The following GGA3 variants were observed in gnomAD, a reference collection of about 807,000 sequenced individuals.
GGA3 encodes the protein ADP-ribosylation factor-binding protein GGA3.
Under a neutral mutation model 77.5 loss-of-function variants are expected in GGA3, and 57 were observed. The observed-to-expected ratio is 0.74, with a 90% CI of 0.59 to 0.92. The LOEUF is 0.92. Ranked by LOEUF, GGA3 falls within the 40% of genes least tolerant of loss-of-function variation. GGA3 has a pLI of 0.00. For synonymous variants in GGA3, 416 were observed against 383.7 expected (o/e 1.08, Z -0.98); for missense variants, 970 against 914.9 (o/e 1.06, Z -0.78).
intron 14 of GGA3, 140 bp downstream of exon 14, chr17:75,239,229 TTAAGAC>T (rs2076434074): frequency 1.0e-6 from 1 of 972,072 alleles, no homozygotes; most frequent in Non-Finnish European, 1.5e-6. Context: ...AGTGAGGAGC[TTAAGAC>T]TGAGAATGCA....
At position 75,240,033 on chromosome 17, in the gene GGA3, G is replaced by A; in HGVS notation, c.1339C>T (p.Leu447Phe). 8 of 1,552,198 alleles carry A rather than the reference G, an allele frequency of 5.2e-6. No homozygotes were observed. The highest frequency in any genetic ancestry group is 6.1e-6 in the Non-Finnish European group (7 of 1,148,434). The change falls in exon 13 of 17, where the codon CTC becomes TTC. Residue 447 changes from leucine to phenylalanine, a missense_variant. Transcript: ENST00000537686. ...CTTGAGGAGGGGGCTGAGGGCTGGA[G>A]CAGAGGAGCATCGGAGGCGCCACAG... ...AACGASDAPL[L>F]QPSAPSSSSS...
chr17:75,246,846 T>A (rs1351350866), intron 1 of GGA3, 50 bp from the exon 2 acceptor site: 2 of 1,455,028 alleles, frequency 1.4e-6, no homozygotes, highest in Non-Finnish European at 1.9e-6. Context: ...GCAATGAGGA[T>A]GCAATGGAAG....
In GGA3 at chr17:75,240,975, G is replaced by C; in HGVS notation, c.1029C>G (p.Ala343=). 1 of 1,614,132 alleles carries C rather than the reference G, an allele frequency of 6.2e-7. No individual in the cohort carries two copies. The highest frequency in any genetic ancestry group is 8.5e-7 in the Non-Finnish European group (1 of 1,179,984). The change falls in exon 11 of 17, where the codon GCC becomes GCG. Residue 343 remains alanine, a synonymous_variant. Transcript: ENST00000537686. ...CTGAGGAGGGTGGAGTAGGTGCTGG[G>C]GCCAACACGGAGGACAAACTGTTGG... is the stretch of plus-strand genomic sequence containing the variant. The part of the protein sequence containing the change: ...DTTNSLSSVL[A]PAPTPPSSGI...
upstream of GGA3, chr17:75,262,169 C>T: frequency 1.4e-6 from 1 of 723,668 alleles, no homozygotes; most frequent in Non-Finnish European, 2.2e-6. Flanking sequence ...CCTAAGGAGT[C>T]TGGCTGATCT....
At chr17:75,246,674 C>T (rs370519934) in intron 2 of GGA3, 38 bp downstream of exon 2, 52 of 1,597,276 alleles carry the variant, frequency 3.3e-5, no homozygotes, top group African/African-American at 3.2e-4. Flanking sequence ...CTTCCCAGTC[C>T]GCTCCCTCTC....
chr17:75,237,774 C>G lies in GGA3; in HGVS notation c.*505G>C, dbSNP rs567132528. The G allele has an allele frequency of 7.0e-7, 1 of 1,429,558 alleles. No individual in the cohort carries two copies. Among genetic ancestry groups the G allele is most frequent in the African/African-American group, 1.4e-5 (1 of 69,604 alleles). 88.6% of individuals were successfully genotyped at this position (1,429,558 alleles called of 1,614,324 possible). ...TGGGCCAGGCACCTTCCTGGGCCAC[C>G]TCCCTGGGGATGGCAGCAGGAGCTG... On this transcript the variant is annotated 3_prime_UTR_variant, in exon 17 of 17. Transcript: ENST00000537686.
chr17:75,246,146 T>G (rs1457918206), intron 3 of GGA3, among the ~76,000 whole-genome samples: 1 of 152,258 alleles, frequency 6.6e-6, no homozygotes, highest in East Asian at 1.9e-4. Context: ...TTTCTTCAGC[T>G]GGCCAGCTCT....
chr17:75,241,918 G>A lies in GGA3; in HGVS notation c.748-222C>T. On this transcript the variant is annotated intron_variant, in intron 8 of 16. Transcript: ENST00000537686. The stretch of plus-strand genomic sequence containing the variant: ...GGTAGCAGTCACCAGGATGGGTCAG[G>A]GGAAGTCAGTCCCCTCCTGCCTTCC... 3 of 589,504 alleles carry A rather than the reference G, an allele frequency of 5.1e-6. No individual in the cohort carries two copies. In the South Asian group the frequency reaches 5.9e-5, roughly 12 times the overall value. 36.5% of individuals were successfully genotyped at this position (589,504 alleles called of 1,614,324 possible). A position where few individuals can be genotyped will look rare whatever the true frequency, so the allele number is the denominator to read the frequency against.
rs368611634 is a variant in GGA3 at position 75,257,278 on chromosome 17, G to GC, written c.40+4269dup. ...CAGACACCAGACCAACTTAGACTGT[G>GC]CCCCCCCCCCCAAAAAAAACCTGTC... is the stretch of plus-strand genomic sequence containing the variant. On this transcript the variant is annotated intron_variant, in intron 1 of 16. Transcript: ENST00000537686. Among the ~76,000 whole-genome samples the GC allele has an allele frequency of 1.7e-3, 98 of 59,004 alleles. 1 individual carries two copies. The highest frequency in any genetic ancestry group is 9.8e-3 in the Middle Eastern group (1 of 102). The allele number at this position is 59,004 out of a possible 152,430, so 38.7% of individuals were successfully genotyped here.
At chr17:75,261,846 C>G (rs377360538), upstream of GGA3, 59 of 1,562,546 alleles carry the variant, frequency 3.8e-5, no homozygotes, top group South Asian at 2.4e-4. Context: ...CGTTTCCCGT[C>G]ACTCGCTCAG....
At chr17:75,261,058 G>T (rs992432527) in intron 1 of GGA3, among the ~76,000 whole-genome samples, 9 of 152,220 alleles carry the variant, frequency 5.9e-5, no homozygotes, top group African/African-American at 2.2e-4. Context: ...GAGCGAAGCC[G>T]TCACTTCTCC....
chr17:75,242,774 C>T, intron 7 of GGA3, 57 bp downstream of exon 7: 1 of 1,384,310 alleles, frequency 7.2e-7, no homozygotes, highest in Admixed American at 1.7e-5. Flanking sequence ...AAAGCGGCTT[C>T]TGCTGTGTGG....
At chr17:75,252,956 C>CTT (rs1221379224) in intron 1 of GGA3, among the ~76,000 whole-genome samples, 1 of 152,230 alleles carries the variant, frequency 6.6e-6, no homozygotes, top group Non-Finnish European at 1.5e-5. Flanking sequence ...TGCTGACTCT[C>CTT]TTTTCGGACT....
rs751658913 is a variant in GGA3, at chr17:75,246,740, A to C, written c.97T>G (p.Cys33Gly). Residue 33 changes from cysteine (C) to glycine (G), a missense_variant, in exon 2 of 17, where the codon TGT becomes GGT. Cys to Gly is a radical substitution (Grantham distance 159). Coordinates refer to ENST00000537686, the MANE Select transcript of GGA3 (RefSeq NM_138619.4). The part of the protein sequence containing the change: ...QEDWEYIIGF[C>G]DQINKELEGP... Reference sequence around the variant, plus strand: ...TCCAGCTCCTTGTTGATCTGATCACAGAAGCCAATTATGTATTCCCAGTCC... The same window carrying C: ...TCCAGCTCCTTGTTGATCTGATCACCGAAGCCAATTATGTATTCCCAGTCC... 2.5e-6 allele frequency: 4 copies of C among 1,614,028 alleles called. No individual in the cohort carries two copies. The highest frequency in any genetic ancestry group is 3.4e-6 in the Non-Finnish European group (4 of 1,179,966).
At chr17:75,253,592 C>T (rs1338423994) in intron 1 of GGA3, among the ~76,000 whole-genome samples, 3 of 152,186 alleles carry the variant, frequency 2.0e-5, no homozygotes, top group South Asian at 4.1e-4. Flanking sequence ...GCAAGTACCC[C>T]TCAACCCCTT....
At chr17:75,254,821 C>G (rs115250015) in intron 1 of GGA3, among the ~76,000 whole-genome samples, 3,390 of 152,310 alleles carry the variant, frequency 0.022, 126 homozygotes, top group African/African-American at 0.078. Flanking sequence ...GGCATTCCTC[C>G]ATAACTGCCT....
intron 7 of GGA3, 50 bp from the exon 8 acceptor site, chr17:75,242,523 T>G (rs200435841): frequency 6.2e-7 from 1 of 1,608,896 alleles, no homozygotes; most frequent in African/African-American, 1.3e-5. Flanking sequence ...TTGACTGTCT[T>G]TCCACTTCCA....
chr17:75,237,859 C>T lies in GGA3; in HGVS notation c.*420G>A, dbSNP rs2076374132. 7.1e-7 allele frequency: 1 copy of T among 1,406,054 alleles called. No individual in the cohort carries two copies. The highest frequency in any genetic ancestry group is 9.2e-7 in the Non-Finnish European group (1 of 1,085,536). 87.1% of individuals were successfully genotyped at this position (1,406,054 alleles called of 1,614,324 possible). ...GCAGCCCCTTGGGCCGTGCATCTGT[C>T]AGGTGTGAGGATGTGGCTCTTGTGG... On this transcript the variant is annotated 3_prime_UTR_variant, in exon 17 of 17. Transcript: ENST00000537686.
In GGA3 at chr17:75,237,461, A is replaced by AG. The variant is rs2076357422; in HGVS notation, c.*817dup. 6.5e-7 allele frequency: 1 copy of AG among 1,531,780 alleles called. No homozygotes were observed. Among genetic ancestry groups the AG allele is most frequent in the South Asian group, 1.2e-5 (1 of 83,982 alleles). 94.9% of individuals were successfully genotyped at this position (1,531,780 alleles called of 1,614,324 possible). A position where few individuals can be genotyped will look rare whatever the true frequency, so the allele number is the denominator to read the frequency against. On this transcript the variant is annotated 3_prime_UTR_variant, in exon 17 of 17. Coordinates refer to ENST00000537686, the MANE Select transcript of GGA3 (RefSeq NM_138619.4). Reference sequence around the variant, plus strand: ...ATAGCAGTTTATTTCATGCCAAGCAAGAGGTAGTCAGTAGGATGGCCTGTC... The same window carrying AG: ...ATAGCAGTTTATTTCATGCCAAGCAAGGAGGTAGTCAGTAGGATGGCCTGTC...
Sources: allele counts gnomAD v4.1 joint callset (sites outside exome capture counted in the v4.1 genomes callset), GRCh38; gene constraint gnomAD v4.1.1; transcripts MANE v1.5; gene names NCBI Gene and HGNC (gene_info 2026-07-23, HGNC 2026-07-21).